The following SPATA21 variants were observed in gnomAD, a reference collection of about 807,000 sequenced individuals.
SPATA21 encodes the protein spermatogenesis associated 21, also known as spermatogenesis-associated protein 21.
SPATA21 carries 47 observed loss-of-function variants against 54.8 expected under a neutral mutation model. That is an observed-to-expected ratio of 0.86 (90% CI 0.68 to 1.09). The LOEUF is 1.09. Ranked by LOEUF, SPATA21 falls within the 50% of genes least tolerant of loss-of-function variation. The probability of loss-of-function intolerance (pLI) is 0.00; values close to 1 mark genes in which losing one functional copy is unlikely to be tolerated. For synonymous variants in SPATA21, 245 were observed against 235.3 expected, an observed-to-expected ratio of 1.04 and a Z score of -0.38; for missense variants, 599 against 596.4, an observed-to-expected ratio of 1.00 and a Z score of -0.05.
rs982724769 is a variant in SPATA21 at position 16,429,203 on chromosome 1, A to C, written c.34+2135T>G. On this transcript the variant is annotated intron_variant, in intron 3 of 12. Transcript: ENST00000335496. ...TTTTTGTGGAGAACGGGGTCTCGCT[A>C]TATTGCCCAGGCAGGCCTCGAACTC... is the stretch of plus-strand genomic sequence containing the variant. Among the ~76,000 whole-genome samples, 1,304 of 146,556 alleles carry C rather than the reference A, an allele frequency of 8.9e-3. 13 individuals carry two copies. The highest frequency in any genetic ancestry group is 0.031 in the African/African-American group (1,239 of 39,472).
intron 1 of SPATA21, among the ~76,000 whole-genome samples, chr1:16,434,099 A>G (rs1408253736): frequency 6.6e-6 from 1 of 152,178 alleles, no homozygotes. Flanking sequence ...AAATGGAATC[A>G]TACAATATAT....
rs201138589 is a variant in SPATA21, at chr1:16,398,871, C to T, written c.1353-49G>A. On this transcript the variant is annotated intron_variant, in intron 12 of 12. Transcript: ENST00000335496. ...GGGTGGGAGACATGTGGCCCTTTCCCTATCTGCCAGTATATGAGCCATCTG... is the reference window on the plus strand; with the variant it reads ...GGGTGGGAGACATGTGGCCCTTTCCTTATCTGCCAGTATATGAGCCATCTG... 3.9e-5 allele frequency: 61 copies of T among 1,580,064 alleles called. No individual in the cohort carries two copies. The African/African-American group carries it at 7.3e-4, about 19-fold the overall frequency.
intron 3 of SPATA21, among the ~76,000 whole-genome samples, chr1:16,424,706 G>T (rs190503107): frequency 6.6e-6 from 1 of 151,700 alleles, no homozygotes; most frequent in Admixed American, 6.6e-5. Flanking sequence ...GAGCCACGGC[G>T]CCTGGCCTCT....
chr1:16,414,175 C>T lies in SPATA21; in HGVS notation c.145-4132G>A, dbSNP rs140265471. On this transcript the variant is annotated intron_variant, in intron 5 of 12. Coordinates refer to ENST00000335496, the MANE Select transcript of SPATA21 (RefSeq NM_198546.1). ...CCGCCTCCCGGGTTCAAGTGATTCT[C>T]GTGCCTCAGCCTCCCGAGTAGGTGG... Among the ~76,000 whole-genome samples the T allele has an allele frequency of 2.9e-3, 446 of 152,148 alleles. 2 individuals carry two copies. Among genetic ancestry groups the T allele is most frequent in the African/African-American group, 9.9e-3 (411 of 41,510 alleles).
intron 7 of SPATA21, among the ~76,000 whole-genome samples, chr1:16,407,486 G>A (rs1446976805): frequency 1.3e-5 from 2 of 152,042 alleles, no homozygotes; most frequent in African/African-American, 4.8e-5. Context: ...TTGAGACGGA[G>A]TCTCTCTCTG....
intron 3 of SPATA21, among the ~76,000 whole-genome samples, chr1:16,424,742 A>T (rs2086275782): frequency 6.6e-6 from 1 of 151,614 alleles, no homozygotes; most frequent in African/African-American, 2.4e-5. Context: ...AATCTTACAA[A>T]GGCTCAGCAG....
At chr1:16,411,799 A>AC (rs2085855671) in intron 5 of SPATA21, among the ~76,000 whole-genome samples, 1 of 131,238 alleles carries the variant, frequency 7.6e-6, no homozygotes, top group South Asian at 2.3e-4. Flanking sequence ...CAAAAAAAAA[A>AC]AAAAAAAAAC....
intron 5 of SPATA21, chr1:16,410,772 C>G (rs2085818385): frequency 2.8e-6 from 1 of 357,768 alleles, no homozygotes; most frequent in South Asian, 2.1e-5. Flanking sequence ...GTCTGGAACT[C>G]CTGACCTCAA....
rs994043817 is a variant in SPATA21, at chr1:16,398,912, G to GGA, written c.1353-92_1353-91dup. 17 of 1,313,710 alleles carry GGA rather than the reference G, an allele frequency of 1.3e-5. No homozygotes were observed. The African/African-American group carries it at 2.2e-4, about 17-fold the overall frequency. 81.4% of individuals were successfully genotyped at this position (1,313,710 alleles called of 1,614,324 possible). On this transcript the variant is annotated intron_variant, in intron 12 of 12. Transcript: ENST00000335496. ...GAGCCATCTGTGCGTGCCCAAGTGAGGAGAGAGAGGAGGCCTCCCCTCAGA... is the reference window on the plus strand; with the variant it reads ...GAGCCATCTGTGCGTGCCCAAGTGAGGAGAGAGAGAGGAGGCCTCCCCTCAGA...
rs79665996 is a variant in SPATA21 at position 16,416,176 on chromosome 1, G to T, written c.144+5333C>A. Among the ~76,000 whole-genome samples, 687 of 152,332 alleles carry T rather than the reference G, an allele frequency of 4.5e-3. 7 individuals are homozygous for T. Among genetic ancestry groups the T allele is most frequent in the African/African-American group, 0.016 (662 of 41,560 alleles). ...CAAGTGCAGTCACGTGGGTACAGGG[G>T]TGCCTAGTGCCCAGCCTCGGGGTGC... On this transcript the variant is annotated intron_variant, in intron 5 of 12. Coordinates refer to ENST00000335496, the MANE Select transcript of SPATA21 (RefSeq NM_198546.1).
At chr1:16,433,329 C>T (rs1220597565) in intron 1 of SPATA21, among the ~76,000 whole-genome samples, 3 of 152,244 alleles carry the variant, frequency 2.0e-5, no homozygotes, top group Non-Finnish European at 4.4e-5. Context: ...GTGGGGTGAC[C>T]TCCCACCCCT....
At chr1:16,423,381 C>T (rs1387792458) in intron 3 of SPATA21, among the ~76,000 whole-genome samples, 1 of 145,110 alleles carries the variant, frequency 6.9e-6, no homozygotes, top group Non-Finnish European at 1.5e-5. Context: ...CCCCTGCACT[C>T]CAGCCTGGGC....
At chr1:16,431,880 C>G (rs368838375) in intron 2 of SPATA21, among the ~76,000 whole-genome samples, 1 of 152,098 alleles carries the variant, frequency 6.6e-6, no homozygotes, top group African/African-American at 2.4e-5. Context: ...CTTCTCAGAG[C>G]CTTTAAAATA....
chr1:16,414,515 C>G (rs1570150572), intron 5 of SPATA21, among the ~76,000 whole-genome samples: 1 of 152,152 alleles, frequency 6.6e-6, no homozygotes, highest in East Asian at 1.9e-4. Flanking sequence ...CTGATTATTT[C>G]AGTTTTCTCA....
At chr1:16,399,580 A>C (rs1244795261) in intron 11 of SPATA21, 59 bp from the exon 12 acceptor site, 4 of 1,553,180 alleles carry the variant, frequency 2.6e-6, no homozygotes, top group African/African-American at 1.4e-5. Context: ...CTTGGGAAGC[A>C]GGCAGATTCA....
chr1:16,412,724 A>G (rs1460272504), intron 5 of SPATA21, among the ~76,000 whole-genome samples: 2 of 152,124 alleles, frequency 1.3e-5, no homozygotes, highest in African/African-American at 4.8e-5. Flanking sequence ...CGGCCTCCCA[A>G]AGTGCTGGGA....
intron 5 of SPATA21, among the ~76,000 whole-genome samples, chr1:16,411,336 A>G (rs1038747085): frequency 6.6e-6 from 1 of 151,886 alleles, no homozygotes; most frequent in Non-Finnish European, 1.5e-5. Context: ...ACAGGTGCTC[A>G]CCACCAGGCC....
intron 3 of SPATA21, chr1:16,422,280 T>C: frequency 7.9e-7 from 1 of 1,262,448 alleles, no homozygotes; most frequent in Non-Finnish European, 1.0e-6. Flanking sequence ...TGGAGACCAG[T>C]TATTACACAC....
chr1:16,417,449 T>C (rs1394939100), intron 5 of SPATA21, among the ~76,000 whole-genome samples: 4 of 150,684 alleles, frequency 2.7e-5, no homozygotes, highest in Non-Finnish European at 4.4e-5. Flanking sequence ...TTTTTTTTTT[T>C]TTTTTTGAGA....
Sources: allele counts gnomAD v4.1 joint callset (sites outside exome capture counted in the v4.1 genomes callset), GRCh38; gene constraint gnomAD v4.1.1; transcripts MANE v1.5; gene names NCBI Gene and HGNC (gene_info 2026-07-23, HGNC 2026-07-21).